Variants in GABRG1 observed in about 807,000 individuals in gnomAD.
The protein encoded by GABRG1 is gamma-aminobutyric acid receptor subunit gamma-1.
In GABRG1, 49 loss-of-function variants were observed where a neutral mutation model predicts 49.8. The observed-to-expected ratio is 0.98, with a 90% confidence interval of 0.78 to 1.25. The LOEUF (loss-of-function observed/expected upper bound fraction) is 1.25. GABRG1 is among the 50% of genes most tolerant of loss of function. GABRG1 has a pLI of 0.00. For missense variants in GABRG1, 552 were observed against 552.3 expected, an observed-to-expected ratio of 1.00 and a Z score of 0.01; for synonymous variants, 232 against 185.1, an observed-to-expected ratio of 1.25 and a Z score of -2.06.
At chr4:46,051,705 T>C in intron 7 of GABRG1, 67 bp from the exon 8 acceptor site, 1 of 985,110 alleles carries the variant, frequency 1.0e-6, no homozygotes, top group Non-Finnish European at 1.5e-6. Flanking sequence ...CCATCTGATT[T>C]GGCAATATTG....
chr4:46,096,570 CT>C (rs1263426375), intron 2 of GABRG1, among the ~76,000 whole-genome samples: 1 of 151,622 alleles, frequency 6.6e-6, no homozygotes, highest in East Asian at 1.9e-4. Flanking sequence ...TTCTGTCTAG[CT>C]TTCTGATATT....
intron 1 of GABRG1, among the ~76,000 whole-genome samples, chr4:46,111,983 G>A (rs1720731927): frequency 6.6e-6 from 1 of 151,076 alleles, no homozygotes; most frequent in South Asian, 2.1e-4. Flanking sequence ...AAACAAAAAT[G>A]GACATGTGAG....
chr4:46,054,992 A>AG (rs1718377445), intron 7 of GABRG1, among the ~76,000 whole-genome samples: 1 of 95,748 alleles, frequency 1.0e-5, no homozygotes, highest in East Asian at 2.6e-4. Context: ...GGTTTGTCAT[A>AG]AAAACCCTAG....
intron 1 of GABRG1, among the ~76,000 whole-genome samples, chr4:46,105,411 A>G (rs1340067850): frequency 1.3e-5 from 2 of 151,500 alleles, no homozygotes; most frequent in Admixed American, 6.6e-5. Context: ...TTTTTTTGTA[A>G]TGTGGTAGAA....
At chr4:46,107,163 C>A (rs550557687) in intron 1 of GABRG1, among the ~76,000 whole-genome samples, 168 of 151,238 alleles carry the variant, frequency 1.1e-3, no homozygotes, top group Admixed American at 3.3e-3. Flanking sequence ...TTCATTCATT[C>A]CATTTTTTGT....
chr4:46,081,988 C>T (rs1378393923), intron 3 of GABRG1, among the ~76,000 whole-genome samples: 2 of 151,766 alleles, frequency 1.3e-5, no homozygotes, highest in Non-Finnish European at 2.9e-5. Context: ...CTTAAACCAC[C>T]AGTCTGTGCT....
chr4:46,112,583 T>G (rs1012065449), intron 1 of GABRG1, among the ~76,000 whole-genome samples: 1 of 151,144 alleles, frequency 6.6e-6, no homozygotes, highest in Non-Finnish European at 1.5e-5. Flanking sequence ...TAGAATCAAC[T>G]GATAGGTGCC....
At chr4:46,108,164 T>C (rs1387461818) in intron 1 of GABRG1, among the ~76,000 whole-genome samples, 1 of 151,050 alleles carries the variant, frequency 6.6e-6, no homozygotes, top group Non-Finnish European at 1.5e-5. Flanking sequence ...AAGAAACATA[T>C]AGTATTGGGG....
At chr4:46,063,106 T>A (rs955902779) in intron 5 of GABRG1, among the ~76,000 whole-genome samples, 22 of 151,538 alleles carry the variant, frequency 1.5e-4, no homozygotes, top group Admixed American at 1.4e-3. Context: ...AGGTAATTTA[T>A]AGATTCAATG....
chr4:46,047,239 C>T (rs1718034307), intron 8 of GABRG1, among the ~76,000 whole-genome samples: 1 of 152,084 alleles, frequency 6.6e-6, no homozygotes, highest in South Asian at 2.1e-4. Flanking sequence ...TTGGACAGCA[C>T]AGCTTGGGAC....
At chr4:46,097,401 T>C (rs1445838848) in intron 1 of GABRG1, 52 bp from the exon 2 acceptor site, 4 of 1,524,540 alleles carry the variant, frequency 2.6e-6, no homozygotes, top group Middle Eastern at 1.8e-4. Context: ...TCAAATCATG[T>C]ATAAAAGTAT....
chr4:46,091,663 G>A (rs1719994692), intron 2 of GABRG1, among the ~76,000 whole-genome samples: 1 of 151,960 alleles, frequency 6.6e-6, no homozygotes, highest in South Asian at 2.1e-4. Flanking sequence ...ACACAAATAG[G>A]GAGAAAATTA....
At chr4:46,123,101 A>AACACACACACACAC (rs34086673) in intron 1 of GABRG1, among the ~76,000 whole-genome samples, 19 of 129,578 alleles carry the variant, frequency 1.5e-4, no homozygotes, top group African/African-American at 2.8e-4. Flanking sequence ...CATACACACA[A>AACACACACACACAC]ACACACACAC....
At position 46,102,461 on chromosome 4, in the gene GABRG1, T is replaced by TC. The variant is rs763931860; in HGVS notation, c.105-5113dup. On this transcript the variant is annotated intron_variant, in intron 1 of 8. Coordinates refer to ENST00000295452, the MANE Select transcript of GABRG1 (RefSeq NM_173536.4). ...GATTCTTTTGATCCAAACTACTTCT[T>TC]CCCCCCTCTACTTTCATACGTTTCA... 1.3e-3 allele frequency among the ~76,000 whole-genome samples: 191 copies of TC among 151,644 alleles called. 1 individual carries two copies. The highest frequency in any genetic ancestry group is 2.0e-3 in the Non-Finnish European group (137 of 67,764).
At chr4:46,061,595 G>A (rs545118154) in intron 5 of GABRG1, among the ~76,000 whole-genome samples, 2 of 151,804 alleles carry the variant, frequency 1.3e-5, no homozygotes, top group African/African-American at 2.4e-5. Context: ...GTGAGGATAT[G>A]TATGTTAGTA....
Position 46,041,262 on chromosome 4 carries a change from CAAT to C in GABRG1, c.1132-11_1132-9del, listed in dbSNP as rs2109390674. 1 of 1,606,130 alleles carries C rather than the reference CAAT, an allele frequency of 6.2e-7. No individual in the cohort carries two copies. The highest frequency in any genetic ancestry group is 8.5e-7 in the Non-Finnish European group (1 of 1,175,672). ...ATGGAGACCAGGAGTCATCTGAGCA[CAAT>C]AATAAATGAATTTTTGACATCAAAA... On this transcript the variant is annotated splice_polypyrimidine_tract_variant and intron_variant, in intron 8 of 8. Coordinates refer to ENST00000295452, the MANE Select transcript of GABRG1 (RefSeq NM_173536.4).
chr4:46,045,435 A>C (rs879707471), intron 8 of GABRG1, among the ~76,000 whole-genome samples: 1 of 152,032 alleles, frequency 6.6e-6, no homozygotes, highest in Non-Finnish European at 1.5e-5. Context: ...GTAGTTTCCA[A>C]GGAGAAAATA....
chr4:46,093,158 G>T (rs887957536), intron 2 of GABRG1, among the ~76,000 whole-genome samples: 1 of 150,576 alleles, frequency 6.6e-6, no homozygotes, highest in Non-Finnish European at 1.5e-5. Flanking sequence ...ATAGCAAAAT[G>T]TATTCTACAG....
chr4:46,065,286 A>T, intron 4 of GABRG1, 78 bp downstream of exon 4: 1 of 1,034,302 alleles, frequency 9.7e-7, no homozygotes, highest in Non-Finnish European at 1.4e-6. Context: ...AACTTTGAGA[A>T]ATAAAAAATT....
Sources: gnomAD v4.1 joint callset for allele counts (sites outside exome capture counted in the v4.1 genomes callset) on GRCh38, gnomAD v4.1.1 for gene constraint, MANE v1.5 for transcripts, NCBI Gene and HGNC (gene_info 2026-07-23, HGNC 2026-07-21) for gene names.